Variants in SHROOM4 observed in about 807,000 individuals in gnomAD.
The protein encoded by SHROOM4 is protein Shroom4.
A neutral mutation model predicts 80.3 loss-of-function variants in SHROOM4; 17 were observed. The ratio of observed to expected loss-of-function variants is 0.21; its 90% CI spans 0.14 to 0.32. The LOEUF (loss-of-function observed/expected upper bound fraction) is 0.32, where lower values mean the gene tolerates loss of function less well. Ranked by LOEUF, SHROOM4 falls within the 10% of genes least tolerant of loss-of-function variation. The probability of loss-of-function intolerance (pLI) is 1.00; values close to 1 mark genes in which losing one functional copy is unlikely to be tolerated. For synonymous variants in SHROOM4, 400 were observed against 437.5 expected (o/e 0.91, Z 1.07); for missense variants, 993 against 1,140.3 (o/e 0.87, Z 1.86).
intron 2 of SHROOM4, among the ~76,000 whole-genome samples, chrX:50,674,089 GA>G (rs1932827046): frequency 9.1e-6 from 1 of 110,186 alleles, no homozygotes; most frequent in African/African-American, 3.3e-5. Context: ...GCTGAAAAAA[GA>G]AAAAAATCCA....
chrX:50,610,654 C>T (rs1483918412), intron 5 of SHROOM4, among the ~76,000 whole-genome samples: 6 of 110,845 alleles, frequency 5.4e-5, no homozygotes, highest in Non-Finnish European at 9.4e-5. Context: ...GCCTGGCACA[C>T]AGTAAGTGTT....
intron 2 of SHROOM4, among the ~76,000 whole-genome samples, chrX:50,660,405 A>G (rs1194206839): frequency 9.0e-6 from 1 of 111,510 alleles, no homozygotes. Context: ...CCTGCCCCCC[A>G]AAAAATGTAC....
intron 1 of SHROOM4, among the ~76,000 whole-genome samples, chrX:50,718,528 T>C (rs1934026662): frequency 9.0e-6 from 1 of 111,002 alleles, no homozygotes; most frequent in East Asian, 2.9e-4. Flanking sequence ...CCCATAATTT[T>C]AACAAGAAGT....
chrX:50,602,959 G>C (rs1381522772), intron 6 of SHROOM4, 146 bp from the exon 7 acceptor site: 12 of 565,000 alleles, frequency 2.1e-5, no homozygotes, highest in African/African-American at 4.6e-5. Context: ...AATGTAAACA[G>C]GCCACATGAA....
In SHROOM4 at chrX:50,633,195, T is replaced by C. The variant is rs781905782; in HGVS notation, c.2878A>G (p.Arg960Gly). 65 of 1,209,356 alleles carry C rather than the reference T, an allele frequency of 5.4e-5. No homozygotes were observed. The Admixed American group carries it at 1.4e-3, about 26-fold the overall frequency. The change falls in exon 4 of 9, where the codon AGG becomes GGG. Residue 960 changes from arginine (R) to glycine (G), a missense_variant. Transcript: ENST00000376020. ...SLAPGNTWKPRKLTVQEFPGD... is the reference protein window; with the variant it reads ...SLAPGNTWKPGKLTVQEFPGD... ...GTCCTCACCTGCACTGTCAGCTTCCTGGGTTTCCAAGTGTTGCCAGGTGCC... is the reference window on the plus strand; with the variant it reads ...GTCCTCACCTGCACTGTCAGCTTCCCGGGTTTCCAAGTGTTGCCAGGTGCC...
At chrX:50,613,794 T>G (rs781830467) in intron 5 of SHROOM4, among the ~76,000 whole-genome samples, 3 of 112,264 alleles carry the variant, frequency 2.7e-5, no homozygotes, top group Non-Finnish European at 5.6e-5. Flanking sequence ...TTTGGAACAT[T>G]ATTGTAAATT....
intron 2 of SHROOM4, among the ~76,000 whole-genome samples, chrX:50,684,580 A>T (rs782449827): frequency 8.9e-6 from 1 of 112,205 alleles, no homozygotes; most frequent in Non-Finnish European, 1.9e-5. Flanking sequence ...TTTACCTGTG[A>T]AAGGAAAAAA....
chrX:50,587,299 T>G lies in SHROOM4; in HGVS notation c.*9396A>C, dbSNP rs191890943. ...GGTACATTGTTGGTGGGAATGTAAA[T>G]TAGTACCCCATTTTGGAAAATAGTG... On this transcript the variant is annotated 3_prime_UTR_variant, in exon 9 of 9. Coordinates refer to ENST00000376020, the MANE Select transcript of SHROOM4 (RefSeq NM_020717.5). 8.9e-6 allele frequency among the ~76,000 whole-genome samples: 1 copy of G among 112,030 alleles called. No homozygotes were observed. Among genetic ancestry groups the G allele is most frequent in the East Asian group, 2.8e-4 (1 of 3,557 alleles).
intron 5 of SHROOM4, among the ~76,000 whole-genome samples, chrX:50,614,864 T>A (rs1177662020): frequency 8.9e-6 from 1 of 112,539 alleles, no homozygotes; most frequent in African/African-American, 3.2e-5. Flanking sequence ...TATCTATATA[T>A]GGAACACTAT....
chrX:50,611,144 C>CTTTTTTTTTT (rs782473243), intron 5 of SHROOM4, among the ~76,000 whole-genome samples: 45 of 68,206 alleles, frequency 6.6e-4, no homozygotes, highest in Non-Finnish European at 7.8e-4. Context: ...TTCTTTTTTT[C>CTTTTTTTTTT]TTTTTTTTTT....
At chrX:50,630,309 A>G (rs1557253906) in intron 4 of SHROOM4, among the ~76,000 whole-genome samples, 1 of 104,498 alleles carries the variant, frequency 9.6e-6, no homozygotes, top group African/African-American at 3.6e-5. Context: ...AAAGTCTCTC[A>G]AGCTAAGCCA....
At chrX:50,628,378 G>A (rs1306398703) in intron 4 of SHROOM4, among the ~76,000 whole-genome samples, 1 of 110,857 alleles carries the variant, frequency 9.0e-6, no homozygotes, top group African/African-American at 3.3e-5. Flanking sequence ...TCTAGGCCAA[G>A]CCATATGTGC....
chrX:50,787,782 A>AC (rs1291361004), intron 1 of SHROOM4, among the ~76,000 whole-genome samples: 1 of 108,920 alleles, frequency 9.2e-6, no homozygotes, highest in African/African-American at 3.3e-5. Context: ...AAAAAAAAAA[A>AC]ACCCACCAGC....
intron 1 of SHROOM4, among the ~76,000 whole-genome samples, chrX:50,738,029 C>T (rs1461581458): frequency 9.0e-6 from 1 of 111,494 alleles, no homozygotes; most frequent in African/African-American, 3.3e-5. Flanking sequence ...TCAGTATACA[C>T]AAATCAATAA....
chrX:50,652,001 G>A (rs906972311), intron 2 of SHROOM4, among the ~76,000 whole-genome samples: 4 of 111,592 alleles, frequency 3.6e-5, no homozygotes, highest in Non-Finnish European at 7.5e-5. Flanking sequence ...ATTTGGGTTG[G>A]TTCCAAGTCT....
chrX:50,737,061 T>C (rs1334498326), intron 1 of SHROOM4, among the ~76,000 whole-genome samples: 1 of 111,732 alleles, frequency 8.9e-6, no homozygotes, highest in Non-Finnish European at 1.9e-5. Context: ...ACATAATACG[T>C]ATAAAATAAT....
At chrX:50,727,885 C>T (rs149106050) in intron 1 of SHROOM4, among the ~76,000 whole-genome samples, 3,265 of 111,723 alleles carry the variant, frequency 0.029, 52 homozygotes, top group Middle Eastern at 0.061. Flanking sequence ...CAGCTTCTGC[C>T]CAGAGGGAGA....
chrX:50,633,444 A>G lies in SHROOM4; in HGVS notation c.2629T>C (p.Cys877Arg), dbSNP rs781818102. ...ENSMCCKPLH[C>R]GDFDYHRTCS... ...GTCCTGTGGTAATCAAAATCACCAC[A>G]GTGTAGTGGCTTACAACACATGGAA... Residue 877 changes from cysteine to arginine, a missense_variant, in exon 4 of 9, where the codon TGT becomes CGT. Coordinates refer to ENST00000376020, the MANE Select transcript of SHROOM4 (RefSeq NM_020717.5). 142 of 1,212,146 alleles carry G rather than the reference A, an allele frequency of 1.2e-4. No homozygotes were observed. Among genetic ancestry groups the G allele is most frequent in the Non-Finnish European group, 1.6e-4 (141 of 895,565 alleles).
the SHROOM4 span, among the ~76,000 whole-genome samples, chrX:50,576,405 T>TG: frequency 9.0e-6 from 1 of 111,714 alleles, no homozygotes; most frequent in Non-Finnish European, 1.9e-5. Context: ...CTTCCAGTAC[T>TG]GGGGTCCCTA....
Sources: allele counts gnomAD v4.1 joint callset (sites outside exome capture counted in the v4.1 genomes callset), GRCh38; gene constraint gnomAD v4.1.1; transcripts MANE v1.5; gene names NCBI Gene and HGNC (gene_info 2026-07-23, HGNC 2026-07-21).